GRM8: variants seen among roughly 807,000 people sequenced by gnomAD.
GRM8 encodes glutamate metabotropic receptor 8.
A neutral mutation model predicts 87.2 loss-of-function variants in GRM8; 47 were observed. The observed-to-expected ratio is 0.54, with a 90% CI of 0.43 to 0.69. The LOEUF is 0.69. Ranked by LOEUF, GRM8 falls within the 30% of genes least tolerant of loss-of-function variation. The pLI is 0.00. For missense variants in GRM8, 1,019 were observed against 1,139.2 expected (o/e 0.89, Z 1.52); for synonymous variants, 396 against 404.5 (o/e 0.98, Z 0.25).
intron 7 of GRM8, chr7:126,701,952 T>C (rs1809979735): frequency 6.0e-6 from 2 of 334,608 alleles, no homozygotes; most frequent in Non-Finnish European, 1.2e-5. Context: ...TGCTACCCAT[T>C]TCTTTCTCCG....
intron 2 of GRM8, among the ~76,000 whole-genome samples, chr7:127,161,209 G>C (rs1244476155): frequency 6.6e-6 from 1 of 152,112 alleles, no homozygotes; most frequent in African/African-American, 2.4e-5. Context: ...TAATGTTCCT[G>C]TCTTCACAAG....
At chr7:126,641,564 T>C (rs1314871492) in intron 7 of GRM8, among the ~76,000 whole-genome samples, 2 of 152,200 alleles carry the variant, frequency 1.3e-5, no homozygotes, top group African/African-American at 4.8e-5. Context: ...TGAGAAACTA[T>C]TCACTGTTTT....
chr7:126,868,033 A>G (rs528286543), intron 6 of GRM8, among the ~76,000 whole-genome samples: 1 of 152,352 alleles, frequency 6.6e-6, no homozygotes, highest in East Asian at 1.9e-4. Context: ...ATGGTAAGAC[A>G]TAGAGCTTGG....
intron 6 of GRM8, among the ~76,000 whole-genome samples, chr7:126,791,593 A>G (rs924687229): frequency 6.6e-5 from 10 of 152,212 alleles, no homozygotes; most frequent in Non-Finnish European, 1.2e-4. Flanking sequence ...ACTGACTTGT[A>G]ATGTCTATTG....
chr7:126,718,270 C>G (rs1245207287), intron 7 of GRM8, among the ~76,000 whole-genome samples: 1 of 151,616 alleles, frequency 6.6e-6, no homozygotes, highest in Non-Finnish European at 1.5e-5. Flanking sequence ...GTGTTTTTTT[C>G]TCTATTTACT....
intron 2 of GRM8, among the ~76,000 whole-genome samples, chr7:127,135,738 G>GT (rs967001307): frequency 2.0e-5 from 3 of 150,664 alleles, no homozygotes; most frequent in Admixed American, 6.7e-5. Context: ...GCCTACAATC[G>GT]TTTTTCTTAT....
chr7:127,128,143 C>G (rs891414416), intron 2 of GRM8, among the ~76,000 whole-genome samples: 2 of 152,100 alleles, frequency 1.3e-5, no homozygotes, highest in Non-Finnish European at 2.9e-5. Flanking sequence ...TAATGTGTAG[C>G]TACTCACCCA....
At chr7:126,503,042 C>T (rs1809885211) in intron 9 of GRM8, among the ~76,000 whole-genome samples, 1 of 151,870 alleles carries the variant, frequency 6.6e-6, no homozygotes, top group Admixed American at 6.6e-5. Context: ...GGGAATGAGA[C>T]TCAAACAAGA....
At chr7:126,467,153 C>T (rs1354956153) in intron 9 of GRM8, among the ~76,000 whole-genome samples, 2 of 151,342 alleles carry the variant, frequency 1.3e-5, no homozygotes, top group Admixed American at 6.6e-5. Flanking sequence ...TAGCCCCCCA[C>T]CCCCCGACAG....
At chr7:126,835,297 G>A (rs903732054) in intron 6 of GRM8, among the ~76,000 whole-genome samples, 1 of 152,096 alleles carries the variant, frequency 6.6e-6, no homozygotes, top group African/African-American at 2.4e-5. Flanking sequence ...ATTTATGCAA[G>A]CTATGTTTTA....
At chr7:126,779,120 T>C (rs1283652434) in intron 6 of GRM8, among the ~76,000 whole-genome samples, 1 of 152,106 alleles carries the variant, frequency 6.6e-6, no homozygotes, top group East Asian at 1.9e-4. Context: ...TTCATTAAGA[T>C]TCTTATCTAA....
At chr7:126,600,385 C>A (rs1043938026) in intron 8 of GRM8, among the ~76,000 whole-genome samples, 1 of 152,008 alleles carries the variant, frequency 6.6e-6, no homozygotes, top group African/African-American at 2.4e-5. Flanking sequence ...ATATGCATGG[C>A]TTCTGACTAG....
At chr7:126,552,097 C>T (rs1792654114) in intron 8 of GRM8, among the ~76,000 whole-genome samples, 1 of 152,098 alleles carries the variant, frequency 6.6e-6, no homozygotes, top group African/African-American at 2.4e-5. Flanking sequence ...TCCTAGCTGT[C>T]AACACACTAC....
chr7:126,508,218 G>T (rs562188184), intron 9 of GRM8, among the ~76,000 whole-genome samples: 2 of 150,348 alleles, frequency 1.3e-5, no homozygotes, highest in Non-Finnish European at 3.0e-5. Flanking sequence ...GAATACCACA[G>T]ACTGGGTAAT....
At chr7:127,071,829 C>T (rs563500229) in intron 3 of GRM8, among the ~76,000 whole-genome samples, 2 of 152,012 alleles carry the variant, frequency 1.3e-5, no homozygotes, top group South Asian at 4.2e-4. Flanking sequence ...GGCCTCTTCT[C>T]CACTCAAGAT....
chr7:127,156,787 G>A (rs1226743999), intron 2 of GRM8, among the ~76,000 whole-genome samples: 1 of 151,914 alleles, frequency 6.6e-6, no homozygotes, highest in Non-Finnish European at 1.5e-5. Flanking sequence ...CATCAAAGAG[G>A]GAAGAGAGAT....
chr7:126,726,757 C>A (rs1248137614), intron 7 of GRM8, among the ~76,000 whole-genome samples: 1 of 152,022 alleles, frequency 6.6e-6, no homozygotes, highest in Non-Finnish European at 1.5e-5. Context: ...CAGAGCTATA[C>A]AAAGTGAAAC....
At chr7:126,681,455 C>T (rs540166423) in intron 7 of GRM8, among the ~76,000 whole-genome samples, 1 of 152,168 alleles carries the variant, frequency 6.6e-6, no homozygotes, top group Admixed American at 6.5e-5. Context: ...AGCTACTGGC[C>T]ACCTCCTGGC....
At chr7:127,247,807 G>T (rs765135352) in intron 1 of GRM8, among the ~76,000 whole-genome samples, 4 of 151,876 alleles carry the variant, frequency 2.6e-5, no homozygotes, top group Non-Finnish European at 5.9e-5. Context: ...AATAATAAGG[G>T]AATATGAGAT....
Sources: allele counts gnomAD v4.1 joint callset (sites outside exome capture counted in the v4.1 genomes callset), GRCh38; gene constraint gnomAD v4.1.1; transcripts MANE v1.5; gene names NCBI Gene and HGNC (gene_info 2026-07-23, HGNC 2026-07-21).